ANTXR1: variants seen among roughly 807,000 people sequenced by gnomAD.
ANTXR1 encodes ANTXR cell adhesion molecule 1.
ANTXR1 carries 19 observed loss-of-function variants against 78.1 expected under a neutral mutation model. That is an observed-to-expected ratio of 0.24 (90% CI 0.17 to 0.36). The LOEUF (loss-of-function observed/expected upper bound fraction) is 0.36, where lower values mean the gene tolerates loss of function less well. ANTXR1 is among the 10% of genes least tolerant of loss of function. The pLI, the probability that ANTXR1 is intolerant of heterozygous loss-of-function variation, is 1.00. For synonymous variants in ANTXR1, 273 were observed against 260.5 expected (o/e 1.05, Z -0.46); for missense variants, 518 against 718.6 (o/e 0.72, Z 3.19).
At chr2:69,075,509 A>G in intron 6 of ANTXR1, 81 bp from the exon 7 acceptor site, 1 of 1,346,326 alleles carries the variant, frequency 7.4e-7, no homozygotes, top group Non-Finnish European at 1.1e-6. Context: ...ATACCTCATC[A>G]TTGAAGTTAG....
intron 17 of ANTXR1, among the ~76,000 whole-genome samples, chr2:69,209,185 TC>T (rs1674980218): frequency 6.6e-6 from 1 of 152,252 alleles, no homozygotes; most frequent in Non-Finnish European, 1.5e-5. Context: ...TATTGGATTA[TC>T]TGATCTACTT....
chr2:69,014,921 T>C (rs1670976221), intron 1 of ANTXR1, among the ~76,000 whole-genome samples: 1 of 152,120 alleles, frequency 6.6e-6, no homozygotes, highest in African/African-American at 2.4e-5. Context: ...GAAAATATGC[T>C]CCAGTGCTAA....
chr2:69,245,275 C>T lies in ANTXR1; in HGVS notation c.1485C>T (p.Tyr495=), dbSNP rs1040668607. ...TCAAGAACAACCAGCCAGCCAAGTA[C>T]CCACTCAACAACGCCTACCACACCT... ...TRVKNNQPAK[Y]PLNNAYHTSS... The change falls in exon 18 of 18, where the codon TAC becomes TAT. Residue 495 remains tyrosine (Y), a synonymous_variant. Transcript: ENST00000303714. 4 of 1,613,704 alleles carry T rather than the reference C, an allele frequency of 2.5e-6. No individual in the cohort carries two copies. In the African/African-American group the frequency reaches 5.3e-5, roughly 22 times the overall value.
intron 13 of ANTXR1, among the ~76,000 whole-genome samples, chr2:69,169,927 G>A (rs1028550401): frequency 6.6e-6 from 1 of 152,218 alleles, no homozygotes; most frequent in Non-Finnish European, 1.5e-5. Context: ...TGAATGACTC[G>A]GTGAATAAAT....
intron 3 of ANTXR1, among the ~76,000 whole-genome samples, chr2:69,050,100 C>A (rs2104112841): frequency 6.6e-6 from 1 of 152,028 alleles, no homozygotes; most frequent in East Asian, 1.9e-4. Context: ...TCAAGGCCAG[C>A]CTGAGCAACA....
intron 1 of ANTXR1, among the ~76,000 whole-genome samples, chr2:69,028,338 T>A (rs1309471272): frequency 6.6e-6 from 1 of 152,058 alleles, no homozygotes; most frequent in Non-Finnish European, 1.5e-5. Context: ...ACTTTATAAG[T>A]GGGAAGAAAA....
At position 69,013,911 on chromosome 2, in the gene ANTXR1, C is replaced by T. The variant is rs1670945889; in HGVS notation, c.152+260C>T. ...TTCTTTTCTGTCTTGCTTTCTGTGT[C>T]CCAGGAGCAGGCAAGGGGCTTGGAG... On this transcript the variant is annotated intron_variant, in intron 1 of 17. Transcript: ENST00000303714. The surrounding 1 kb of genome is among the most constrained non-coding windows in gnomAD (Gnocchi z 5.0). 1.3e-5 allele frequency among the ~76,000 whole-genome samples: 2 copies of T among 152,270 alleles called. No individual in the cohort carries two copies. The highest frequency in any genetic ancestry group is 4.1e-4 in the South Asian group (2 of 4,834).
At chr2:69,147,814 A>G (rs556552582) in intron 12 of ANTXR1, among the ~76,000 whole-genome samples, 1 of 152,306 alleles carries the variant, frequency 6.6e-6, no homozygotes, top group Non-Finnish European at 1.5e-5. Flanking sequence ...ACTGAGTCTC[A>G]GTTTTCCTTA....
chr2:69,045,916 A>G (rs1353419751), intron 3 of ANTXR1, among the ~76,000 whole-genome samples: 1 of 152,148 alleles, frequency 6.6e-6, no homozygotes, highest in Non-Finnish European at 1.5e-5. Context: ...CAGAACCCAG[A>G]CCAGACCCAG....
In ANTXR1 at chr2:69,181,900, A is replaced by G. The variant is rs761315840; in HGVS notation, c.1185+19A>G. 2.5e-6 allele frequency: 4 copies of G among 1,611,248 alleles called. No individual in the cohort carries two copies. The highest frequency in any genetic ancestry group is 1.1e-5 in the South Asian group (1 of 90,926). ...AATGGAGGTAAGAGGACAGCTTCAT[A>G]TACACTTATCTATGTGCTGACTACT... On this transcript the variant is annotated intron_variant, in intron 15 of 17. Transcript: ENST00000303714.
At chr2:69,041,966 T>C (rs13400188) in intron 2 of ANTXR1, among the ~76,000 whole-genome samples, 6,055 of 152,270 alleles carry the variant, frequency 0.04, 458 homozygotes, top group African/African-American at 0.14. Context: ...CTGTCGTCTG[T>C]TGACAGTCAC....
chr2:69,102,751 G>C, intron 9 of ANTXR1, 91 bp from the exon 10 acceptor site: 1 of 1,318,286 alleles, frequency 7.6e-7, no homozygotes, highest in Non-Finnish European at 1.1e-6. Context: ...TAAGCCTGGT[G>C]AAATAGTGAA....
At chr2:69,127,168 T>C (rs1309132783) in intron 12 of ANTXR1, among the ~76,000 whole-genome samples, 1 of 152,208 alleles carries the variant, frequency 6.6e-6, no homozygotes, top group Non-Finnish European at 1.5e-5. Flanking sequence ...TAATAGATGC[T>C]ATAGGATAAT....
chr2:69,223,021 A>G (rs1390647046), intron 17 of ANTXR1, among the ~76,000 whole-genome samples: 2 of 152,202 alleles, frequency 1.3e-5, no homozygotes, highest in Non-Finnish European at 2.9e-5. Context: ...GCTCTTTACT[A>G]TCAGCATGTC....
chr2:69,047,393 C>T (rs1318791899), intron 3 of ANTXR1, among the ~76,000 whole-genome samples: 1 of 151,942 alleles, frequency 6.6e-6, no homozygotes, highest in African/African-American at 2.4e-5. Flanking sequence ...TTTTATTTAT[C>T]CTCATATAAC....
intron 14 of ANTXR1, chr2:69,172,216 GA>G (rs552514661): frequency 1.3e-3 from 846 of 656,650 alleles, no homozygotes; most frequent in Admixed American, 2.6e-3. Flanking sequence ...AATAAATCAA[GA>G]AACTACCCAA....
intron 17 of ANTXR1, among the ~76,000 whole-genome samples, chr2:69,197,117 G>A (rs1674683283): frequency 6.6e-6 from 1 of 152,192 alleles, no homozygotes; most frequent in African/African-American, 2.4e-5. Flanking sequence ...TGCCTGCGGT[G>A]GGCTCATGGT....
At position 69,130,558 on chromosome 2, in the gene ANTXR1, T is replaced by C. The variant is rs77841578; in HGVS notation, c.951+5915T>C. ...ATTTCACATCCCAGCCCCTTGACTT[T>C]CCAGGGTGATCCTGGACAGGTTTAC... On this transcript the variant is annotated intron_variant, in intron 12 of 17. Coordinates refer to ENST00000303714, the MANE Select transcript of ANTXR1 (RefSeq NM_032208.3). 6.2e-3 allele frequency among the ~76,000 whole-genome samples: 947 copies of C among 152,310 alleles called. 6 individuals are homozygous for C. Among genetic ancestry groups the C allele is most frequent in the African/African-American group, 0.021 (887 of 41,554 alleles).
intron 3 of ANTXR1, among the ~76,000 whole-genome samples, chr2:69,045,829 C>CA (rs1032934115): frequency 6.6e-6 from 1 of 151,816 alleles, no homozygotes; most frequent in South Asian, 2.1e-4. Context: ...GCATTTCATT[C>CA]AAAAAAACAG....
Sources: allele counts gnomAD v4.1 joint callset (sites outside exome capture counted in the v4.1 genomes callset), GRCh38; gene constraint gnomAD v4.1.1; non-coding constraint Gnocchi (gnomAD v3.1); transcripts MANE v1.5; gene names NCBI Gene and HGNC (gene_info 2026-07-23, HGNC 2026-07-21).